Variants in PARD3 observed in about 807,000 individuals in gnomAD.
PARD3 encodes partitioning defective 3 homolog.
In PARD3, 75 loss-of-function variants were observed where a neutral mutation model predicts 155.4. The ratio of observed to expected loss-of-function variants is 0.48; its 90% CI spans 0.40 to 0.58. The LOEUF (loss-of-function observed/expected upper bound fraction) is 0.58. Ranked by LOEUF, PARD3 falls within the 20% of genes least tolerant of loss-of-function variation. PARD3 has a pLI of 0.00. For missense variants in PARD3, 1,642 were observed against 1,721.7 expected (o/e 0.95, Z 0.82); for synonymous variants, 576 against 610.5 (o/e 0.94, Z 0.83).
intron 2 of PARD3, among the ~76,000 whole-genome samples, chr10:34,631,863 A>G (rs1187888827): frequency 6.6e-6 from 1 of 152,168 alleles, no homozygotes; most frequent in Non-Finnish European, 1.5e-5. Flanking sequence ...CTCCCAAAGT[A>G]CTGGGATTAC....
At position 34,454,052 on chromosome 10, in the gene PARD3, A is replaced by AT. The variant is rs1306978823; in HGVS notation, c.583-3605dup. ...TGTATAATGTATGAAAAGTGCAGTT[A>AT]TTTACAGCAATCTTGAATTATTATC... is the stretch of plus-strand genomic sequence containing the variant. On this transcript the variant is annotated intron_variant, in intron 4 of 24. Coordinates refer to ENST00000374788, the MANE Select transcript of PARD3 (RefSeq NM_001184785.2). 6.6e-5 allele frequency among the ~76,000 whole-genome samples: 10 copies of AT among 152,364 alleles called. No individual in the cohort carries two copies. The East Asian group carries it at 1.9e-3, about 29-fold the overall frequency.
chr10:34,189,856 G>A (rs1194289763), intron 22 of PARD3, among the ~76,000 whole-genome samples: 1 of 152,174 alleles, frequency 6.6e-6, no homozygotes, highest in Non-Finnish European at 1.5e-5. Context: ...ACCACTGACA[G>A]TATTTGTTGC....
At chr10:34,726,499 C>G (rs574599735) in intron 1 of PARD3, among the ~76,000 whole-genome samples, 1,675 of 152,236 alleles carry the variant, frequency 0.011, 28 homozygotes, top group African/African-American at 0.039. Context: ...GGCAGAATCG[C>G]TCGAGCCCAG....
intron 1 of PARD3, among the ~76,000 whole-genome samples, chr10:34,795,321 G>A (rs968156409): frequency 2.0e-5 from 3 of 152,180 alleles, no homozygotes; most frequent in South Asian, 2.1e-4. Flanking sequence ...GTAGTAAAAC[G>A]TATTTCAGAG....
At chr10:34,343,343 G>A (rs1451456678) in intron 15 of PARD3, 15 of 977,218 alleles carry the variant, frequency 1.5e-5, no homozygotes, top group Non-Finnish European at 1.8e-5. Context: ...TATATTCTGA[G>A]AGATGGCCTA....
chr10:34,368,410 C>T (rs906132486), intron 12 of PARD3, among the ~76,000 whole-genome samples: 16 of 152,094 alleles, frequency 1.1e-4, no homozygotes, highest in South Asian at 2.1e-4. Flanking sequence ...CGGTGGCTCA[C>T]GCGTGTAATT....
chr10:34,117,703 G>A (rs1260783790), intron 24 of PARD3, among the ~76,000 whole-genome samples: 1 of 152,200 alleles, frequency 6.6e-6, no homozygotes, highest in African/African-American at 2.4e-5. Context: ...CTTGAGGCCA[G>A]GGGTTCGAAA....
intron 2 of PARD3, among the ~76,000 whole-genome samples, chr10:34,583,236 T>C (rs1360811279): frequency 1.3e-5 from 2 of 152,154 alleles, no homozygotes; most frequent in East Asian, 1.9e-4. Flanking sequence ...TTTAATGCCA[T>C]GAAATTTAAA....
At chr10:34,246,328 T>C (rs1036424384) in intron 22 of PARD3, among the ~76,000 whole-genome samples, 1 of 151,998 alleles carries the variant, frequency 6.6e-6, no homozygotes, top group Non-Finnish European at 1.5e-5. Flanking sequence ...TAGTCAAAAA[T>C]AGGAAACAAC....
chr10:34,592,819 C>G lies in PARD3; in HGVS notation c.223-75660G>C, dbSNP rs2088843427. 2.6e-5 allele frequency among the ~76,000 whole-genome samples: 4 copies of G among 152,034 alleles called. No individual in the cohort carries two copies. In the South Asian group the frequency reaches 8.3e-4, roughly 32 times the overall value. The stretch of plus-strand genomic sequence containing the variant: ...TCATGCATATTTCACAGAGAAGAAA[C>G]CAAGCCTCAAGAGATGAAATGACTG... On this transcript the variant is annotated intron_variant, in intron 2 of 24. Transcript: ENST00000374788.
At chr10:34,573,840 A>G (rs2086670802) in intron 2 of PARD3, among the ~76,000 whole-genome samples, 1 of 152,118 alleles carries the variant, frequency 6.6e-6, no homozygotes, top group African/African-American at 2.4e-5. Flanking sequence ...CACTCTTCAT[A>G]CAATGCCACT....
chr10:34,127,054 CTAACA>C (rs539898224), intron 23 of PARD3, among the ~76,000 whole-genome samples: 47 of 152,256 alleles, frequency 3.1e-4, no homozygotes, highest in African/African-American at 9.4e-4. Context: ...AACATTTTCC[CTAACA>C]TGATTGTTCA....
At chr10:34,705,170 A>G (rs1431812829) in intron 1 of PARD3, among the ~76,000 whole-genome samples, 1 of 152,250 alleles carries the variant, frequency 6.6e-6, no homozygotes, top group African/African-American at 2.4e-5. Context: ...TTCATTTTTA[A>G]AAATGCTGAT....
chr10:34,781,540 G>A (rs1278855183), intron 1 of PARD3, among the ~76,000 whole-genome samples: 1 of 152,218 alleles, frequency 6.6e-6, no homozygotes, highest in African/African-American at 2.4e-5. Context: ...TTTAGGAAAA[G>A]GTTAGTATGG....
intron 12 of PARD3, among the ~76,000 whole-genome samples, chr10:34,361,006 G>A (rs61842495): frequency 1.3e-5 from 2 of 152,150 alleles, no homozygotes; most frequent in African/African-American, 4.8e-5. Flanking sequence ...TAAAACAGAG[G>A]AAGAAATGAA....
intron 2 of PARD3, among the ~76,000 whole-genome samples, chr10:34,521,562 A>G (rs1169508384): frequency 6.6e-6 from 1 of 152,172 alleles, no homozygotes; most frequent in East Asian, 1.9e-4. Flanking sequence ...TCCTTGCAAT[A>G]ATTATTAATC....
intron 1 of PARD3, among the ~76,000 whole-genome samples, chr10:34,711,942 T>G (rs1227773812): frequency 6.6e-6 from 1 of 152,074 alleles, no homozygotes; most frequent in Non-Finnish European, 1.5e-5. Flanking sequence ...AAAGAAGACA[T>G]CCAGACACTC....
At chr10:34,670,112 T>G (rs1464479183) in intron 2 of PARD3, among the ~76,000 whole-genome samples, 1 of 152,240 alleles carries the variant, frequency 6.6e-6, no homozygotes, top group Non-Finnish European at 1.5e-5. Context: ...AGCAGGTGGC[T>G]TATCCGTGCT....
At position 34,137,991 on chromosome 10, in the gene PARD3, TA is replaced by T. The variant is rs540336546; in HGVS notation, c.3420-6409del. On this transcript the variant is annotated intron_variant, in intron 22 of 24. Transcript: ENST00000374788. ...CATTATGGGGGCTGTACATTCTTGTTAAATTCAAGGAAATAAAGTATGGATG... is the reference window on the plus strand; with the variant it reads ...CATTATGGGGGCTGTACATTCTTGTTAATTCAAGGAAATAAAGTATGGATG... Among the ~76,000 whole-genome samples the T allele has an allele frequency of 3.4e-4, 52 of 152,332 alleles. No individual in the cohort carries two copies. In the East Asian group the frequency reaches 8.9e-3, roughly 26 times the overall value.
Sources: gnomAD v4.1 joint callset for allele counts (sites outside exome capture counted in the v4.1 genomes callset) on GRCh38, gnomAD v4.1.1 for gene constraint, MANE v1.5 for transcripts, NCBI Gene and HGNC (gene_info 2026-07-23, HGNC 2026-07-21) for gene names.